The following AUH variants were observed in gnomAD, a reference collection of about 807,000 sequenced individuals.
AUH encodes methylglutaconyl-CoA hydratase, mitochondrial.
AUH carries 29 observed loss-of-function variants against 42.3 expected under a neutral mutation model. That is an observed-to-expected ratio of 0.69 (90% CI 0.51 to 0.93). The LOEUF (loss-of-function observed/expected upper bound fraction) is 0.93, where lower values mean the gene tolerates loss of function less well. Among genes scored for constraint, AUH ranks in the 40% least tolerant of loss-of-function variants. The pLI is 0.00. For synonymous variants in AUH, 174 were observed against 166.4 expected, an observed-to-expected ratio of 1.05 and a Z score of -0.35; for missense variants, 452 against 438.1, an observed-to-expected ratio of 1.03 and a Z score of -0.28.
chr9:91,236,987 T>G (rs1357864652), intron 6 of AUH, among the ~76,000 whole-genome samples: 1 of 152,228 alleles, frequency 6.6e-6, no homozygotes, highest in Non-Finnish European at 1.5e-5. Flanking sequence ...TTCTACATAA[T>G]ATTTAGCATT....
rs111461793 is a variant in AUH at position 91,296,152 on chromosome 9, G to C, written c.599-75C>G. The C allele has an allele frequency of 1.8e-5, 25 of 1,385,910 alleles. 1 individual carries two copies. In the African/African-American group the frequency reaches 2.0e-4, roughly 11 times the overall value. 85.9% of individuals were successfully genotyped at this position (1,385,910 alleles called of 1,614,324 possible). A position where few individuals can be genotyped will look rare whatever the true frequency, so the allele number is the denominator to read the frequency against. On this transcript the variant is annotated intron_variant, in intron 5 of 9. Transcript: ENST00000375731. ...ATATGACAACTTGAAAAAGTTATGAGATATACTAAAATATTGTTTACTAAT... is the reference window on the plus strand; with the variant it reads ...ATATGACAACTTGAAAAAGTTATGACATATACTAAAATATTGTTTACTAAT...
Position 91,325,404 on chromosome 9 carries a change from C to A in AUH, c.419G>T (p.Gly140Val), listed in dbSNP as rs1829899485. The change falls in exon 4 of 10, where the codon GGT (glycine) becomes GTT (valine). Residue 140 changes from glycine (G) to valine (V), a missense_variant and splice_region_variant. Physicochemically the swap from Gly to Val is moderately radical, Grantham distance 109. Transcript: ENST00000375731. ...RSEVPGIFCA[G>V]ADLKERAKMS... ...TTTGGCTCTTTCCTTAAGGTCAGCA[C>A]CTGCAAAGTATTTTATTTACAAATA... The A allele has an allele frequency of 1.2e-6, 2 of 1,613,248 alleles. No homozygotes were observed. Among genetic ancestry groups the A allele is most frequent in the Non-Finnish European group, 1.7e-6 (2 of 1,179,418 alleles).
At chr9:91,220,129 T>A (rs1299643652) in intron 7 of AUH, among the ~76,000 whole-genome samples, 6 of 152,222 alleles carry the variant, frequency 3.9e-5, no homozygotes, top group Admixed American at 3.3e-4. Flanking sequence ...GAAAAATATA[T>A]CTGAACGGGT....
At position 91,361,693 on chromosome 9, in the gene AUH, C is replaced by G; in HGVS notation, c.197G>C (p.Gly66Ala). ...PAAGGPAPKR[G>A]YSSEMKTEDE... ...CTCCGTCTTCATCTCAGAGCTGTAG[C>G]CCCTTTTCGGGGCGGGACCCCCGGC... Residue 66 changes from glycine (G) to alanine (A), a missense_variant, in exon 1 of 10, where the codon GGC becomes GCC. Transcript: ENST00000375731. The G allele has an allele frequency of 6.4e-7, 1 of 1,567,578 alleles. No individual in the cohort carries two copies. Among genetic ancestry groups the G allele is most frequent in the Non-Finnish European group, 8.6e-7 (1 of 1,156,434 alleles).
At chr9:91,219,128 C>T (rs1340343495) in intron 7 of AUH, among the ~76,000 whole-genome samples, 3 of 152,174 alleles carry the variant, frequency 2.0e-5, no homozygotes, top group Admixed American at 1.3e-4. Context: ...ACAGTGCTCA[C>T]GTTCTCAGGC....
chr9:91,220,556 T>C (rs982267905), intron 7 of AUH, among the ~76,000 whole-genome samples: 2 of 152,160 alleles, frequency 1.3e-5, no homozygotes, highest in African/African-American at 4.8e-5. Context: ...GTGACAAGCA[T>C]TGTCAAGGGA....
At chr9:91,312,193 A>G (rs1828751231) in intron 4 of AUH, among the ~76,000 whole-genome samples, 1 of 152,192 alleles carries the variant, frequency 6.6e-6, no homozygotes, top group African/African-American at 2.4e-5. Flanking sequence ...TCATGTCTGT[A>G]AGTTGCTTAT....
At chr9:91,228,764 C>T (rs1246649379) in intron 6 of AUH, among the ~76,000 whole-genome samples, 2 of 151,990 alleles carry the variant, frequency 1.3e-5, no homozygotes, top group African/African-American at 2.4e-5. Context: ...TCTTTGTTCT[C>T]ATTGGTTTCA....
chr9:91,280,810 C>G (rs959220901), intron 6 of AUH, among the ~76,000 whole-genome samples: 16 of 152,156 alleles, frequency 1.1e-4, no homozygotes, highest in African/African-American at 3.9e-4. Context: ...CATTTATGAT[C>G]TATTTTGAGC....
At chr9:91,248,241 C>T (rs907864341) in intron 6 of AUH, among the ~76,000 whole-genome samples, 8 of 152,244 alleles carry the variant, frequency 5.3e-5, no homozygotes, top group African/African-American at 1.9e-4. Flanking sequence ...ATACGGACAA[C>T]CAATAGTTGA....
chr9:91,312,115 ACT>A (rs1256921042), intron 4 of AUH, among the ~76,000 whole-genome samples: 4 of 152,038 alleles, frequency 2.6e-5, no homozygotes, highest in Non-Finnish European at 4.4e-5. Flanking sequence ...AAATTTAGTG[ACT>A]CTGAATGAAA....
intron 6 of AUH, among the ~76,000 whole-genome samples, chr9:91,279,960 G>C (rs1212944403): frequency 1.3e-5 from 2 of 152,110 alleles, no homozygotes; most frequent in African/African-American, 2.4e-5. Context: ...CAGAGTTCTT[G>C]TTATCATTAG....
chr9:91,226,327 T>C (rs773517), intron 6 of AUH, among the ~76,000 whole-genome samples: 66,994 of 141,240 alleles, frequency 0.47, 18,807 homozygotes, highest in Non-Finnish European at 0.63. Flanking sequence ...TTTCATGTGT[T>C]TTTTGGCTGC....
intron 6 of AUH, among the ~76,000 whole-genome samples, chr9:91,230,726 GT>G (rs1827821613): frequency 6.6e-6 from 1 of 152,068 alleles, no homozygotes; most frequent in Non-Finnish European, 1.5e-5. Flanking sequence ...GTACAGATGG[GT>G]TTTTGGTGTG....
At chr9:91,303,265 GTTAT>G (rs1303486307) in intron 4 of AUH, among the ~76,000 whole-genome samples, 10 of 152,068 alleles carry the variant, frequency 6.6e-5, no homozygotes, top group Non-Finnish European at 1.3e-4. Flanking sequence ...CATAATGTAG[GTTAT>G]TTGATGCTTC....
intron 6 of AUH, among the ~76,000 whole-genome samples, chr9:91,276,991 C>A (rs577023381): frequency 6.6e-6 from 1 of 152,122 alleles, no homozygotes; most frequent in East Asian, 1.9e-4. Context: ...TCAAGACCAG[C>A]CTGGGCAATA....
At chr9:91,278,805 A>C (rs2131551754) in intron 6 of AUH, among the ~76,000 whole-genome samples, 1 of 152,350 alleles carries the variant, frequency 6.6e-6, no homozygotes, top group Middle Eastern at 3.4e-3. Context: ...AACAAAGGAC[A>C]GTAACTGTTG....
chr9:91,278,201 A>T, intron 6 of AUH, among the ~76,000 whole-genome samples: 1 of 152,264 alleles, frequency 6.6e-6, no homozygotes, highest in South Asian at 2.1e-4. Flanking sequence ...CGACCACAGG[A>T]TCCAGCAATA....
chr9:91,309,103 C>T (rs985296384), intron 4 of AUH, among the ~76,000 whole-genome samples: 2 of 150,102 alleles, frequency 1.3e-5, no homozygotes, highest in Non-Finnish European at 3.0e-5. Flanking sequence ...TAACTTTTAT[C>T]TTAAATGTAT....
Sources: allele counts gnomAD v4.1 joint callset (sites outside exome capture counted in the v4.1 genomes callset), GRCh38; gene constraint gnomAD v4.1.1; transcripts MANE v1.5; gene names NCBI Gene and HGNC (gene_info 2026-07-23, HGNC 2026-07-21).